The following SYNPR variants were observed in gnomAD, a reference collection of about 807,000 sequenced individuals.
SYNPR encodes synaptoporin.
In SYNPR, 23 loss-of-function variants were observed where a neutral mutation model predicts 32.9. The ratio of observed to expected loss-of-function variants is 0.70; its 90% CI spans 0.50 to 0.99. The LOEUF is 0.99. SYNPR is among the 50% of genes least tolerant of loss of function. SYNPR has a pLI of 0.00. For synonymous variants in SYNPR, 146 were observed against 135.9 expected (o/e 1.07, Z -0.52); for missense variants, 318 against 349.3 (o/e 0.91, Z 0.71).
At chr3:63,563,147 C>G (rs573335181) in intron 4 of SYNPR, among the ~76,000 whole-genome samples, 1 of 152,282 alleles carries the variant, frequency 6.6e-6, no homozygotes, top group South Asian at 2.1e-4. Context: ...TGTCTTCCTC[C>G]AGTCCTTCTA....
chr3:63,349,431 G>A (rs1386270856), intron 2 of SYNPR, among the ~76,000 whole-genome samples: 2 of 152,112 alleles, frequency 1.3e-5, no homozygotes, highest in Admixed American at 1.3e-4. Flanking sequence ...CCATAATCAA[G>A]AGATGTTTTG....
rs566918505 is a variant in SYNPR at position 63,256,104 on chromosome 3, AAG to A, written n.154+3519_154+3520del. 8.8e-3 allele frequency among the ~76,000 whole-genome samples: 1,341 copies of A among 152,330 alleles called. 20 individuals are homozygous for A. The highest frequency in any genetic ancestry group is 0.025 in the African/African-American group (1,045 of 41,584). On this transcript the variant is annotated intron_variant and non_coding_transcript_variant, in intron 2 of 4. Transcript: ENST00000478456. ...AACTGGGTGGAGCCCACCGCAGCTCAAGGAAGCCTGCCTGCCTCTGTAGGCTC... is the reference window on the plus strand; with the variant it reads ...AACTGGGTGGAGCCCACCGCAGCTCAGAAGCCTGCCTGCCTCTGTAGGCTC...
chr3:63,473,578 T>G (rs34746516), intron 2 of SYNPR, among the ~76,000 whole-genome samples: 43,445 of 152,086 alleles, frequency 0.29, 6,466 homozygotes, highest in East Asian at 0.43. Flanking sequence ...AACACATACC[T>G]ATATTTAAAA....
chr3:63,587,504 G>T (rs1703208114), intron 4 of SYNPR, among the ~76,000 whole-genome samples: 1 of 152,042 alleles, frequency 6.6e-6, no homozygotes, highest in Non-Finnish European at 1.5e-5. Flanking sequence ...GTTTTCAAAG[G>T]AGTATTTGAC....
chr3:63,309,665 G>T (rs921806873), intron 2 of SYNPR, among the ~76,000 whole-genome samples: 11 of 151,918 alleles, frequency 7.2e-5, no homozygotes, highest in Admixed American at 3.3e-4. Flanking sequence ...CCCCAGCCCT[G>T]TGTGAGCATC....
chr3:63,592,800 ATAATATGT>A (rs1181213540), intron 4 of SYNPR, among the ~76,000 whole-genome samples: 2 of 152,102 alleles, frequency 1.3e-5, no homozygotes, highest in Non-Finnish European at 2.9e-5. Context: ...ATTTTTAGCT[ATAATATGT>A]CACTGAATTT....
chr3:63,397,182 G>C (rs192662155), intron 2 of SYNPR, among the ~76,000 whole-genome samples: 1 of 152,202 alleles, frequency 6.6e-6, no homozygotes, highest in Non-Finnish European at 1.5e-5. Context: ...AAGGCTGTAG[G>C]GAGGCAGAGA....
chr3:63,527,417 C>A (rs1296239999), intron 3 of SYNPR, among the ~76,000 whole-genome samples: 1 of 152,014 alleles, frequency 6.6e-6, no homozygotes, highest in Non-Finnish European at 1.5e-5. Context: ...TCCTGTCATT[C>A]CCGTAATAAA....
intron 2 of SYNPR, among the ~76,000 whole-genome samples, chr3:63,350,934 T>C (rs1344298522): frequency 2.6e-5 from 4 of 152,188 alleles, no homozygotes; most frequent in Non-Finnish European, 1.5e-5. Context: ...CTAAATCCTT[T>C]CCTTGTTTTA....
intron 3 of SYNPR, among the ~76,000 whole-genome samples, chr3:63,272,287 A>C (rs1365035296): frequency 6.6e-6 from 1 of 152,176 alleles, no homozygotes; most frequent in African/African-American, 2.4e-5. Flanking sequence ...AAACTGAACG[A>C]CAAGAGGGTG....
At chr3:63,540,177 TCCTTATGAAGTAGGTCATGTTATTATCA>T (rs1488890512) in intron 3 of SYNPR, among the ~76,000 whole-genome samples, 4 of 152,182 alleles carry the variant, frequency 2.6e-5, no homozygotes, top group South Asian at 2.1e-4. Context: ...ATTATTTTAT[TCCTTATGAAGTAGGTCATGTTATTATCA>T]CCTTATGAAG....
intron 2 of SYNPR, among the ~76,000 whole-genome samples, chr3:63,343,922 C>T (rs150227646): frequency 1.3e-5 from 2 of 152,304 alleles, no homozygotes; most frequent in East Asian, 3.9e-4. Context: ...GTGTCTATGC[C>T]GGAAACGGCT....
rs913669607 is a variant in SYNPR at position 63,335,698 on chromosome 3, C to T, written c.84+56956C>T. Among the ~76,000 whole-genome samples the T allele has an allele frequency of 5.4e-4, 82 of 150,736 alleles. 1 individual carries two copies. Among genetic ancestry groups the T allele is most frequent in the Non-Finnish European group, 7.7e-4 (52 of 67,774 alleles). The stretch of plus-strand genomic sequence containing the variant: ...GGCCACTGTCCTTTACACACTCTCC[C>T]TTTTGCTTGCCTATCTCCTAGTCTT... On this transcript the variant is annotated intron_variant, in intron 2 of 5. Coordinates refer to ENST00000478300, the MANE Select transcript of SYNPR (RefSeq NM_001130003.2).
At chr3:63,530,394 T>G (rs887285487) in intron 3 of SYNPR, among the ~76,000 whole-genome samples, 26 of 152,162 alleles carry the variant, frequency 1.7e-4, no homozygotes, top group African/African-American at 6.0e-4. Flanking sequence ...TGGAAGGAGA[T>G]GTAGGAGCAC....
chr3:63,540,920 TCC>T (rs78477531), intron 3 of SYNPR, among the ~76,000 whole-genome samples: 4 of 109,938 alleles, frequency 3.6e-5, no homozygotes, highest in African/African-American at 7.4e-5. Context: ...ACACACACAA[TCC>T]CCCCCCCAAC....
chr3:63,356,461 C>A (rs2087579205), intron 2 of SYNPR, among the ~76,000 whole-genome samples: 1 of 152,272 alleles, frequency 6.6e-6, no homozygotes, highest in Admixed American at 6.5e-5. Flanking sequence ...CTCACAATGA[C>A]CCTATTAAGA....
intron 1 of SYNPR, among the ~76,000 whole-genome samples, chr3:63,229,546 T>G (rs1487231232): frequency 6.6e-6 from 1 of 152,160 alleles, no homozygotes; most frequent in Non-Finnish European, 1.5e-5. Context: ...CATTTTTGTA[T>G]GGTTTGGAAG....
chr3:63,438,957 CCTCT>C (rs1700127294), intron 2 of SYNPR, among the ~76,000 whole-genome samples: 1 of 152,182 alleles, frequency 6.6e-6, no homozygotes, highest in African/African-American at 2.4e-5. Flanking sequence ...TCTGGATTTT[CCTCT>C]CTGTGTTTGC....
chr3:63,271,728 A>G (rs1162447859), intron 3 of SYNPR, among the ~76,000 whole-genome samples: 1 of 152,040 alleles, frequency 6.6e-6, no homozygotes, highest in Non-Finnish European at 1.5e-5. Context: ...TCAACTTATA[A>G]TCATCAGGGA....
Sources: allele counts gnomAD v4.1 joint callset (sites outside exome capture counted in the v4.1 genomes callset), GRCh38; gene constraint gnomAD v4.1.1; transcripts MANE v1.5; gene names NCBI Gene and HGNC (gene_info 2026-07-23, HGNC 2026-07-21).